The following ELF1 variants were observed in gnomAD, a reference collection of about 807,000 sequenced individuals.
ELF1 encodes E74 like ETS transcription factor 1, also known as ETS-related transcription factor Elf-1.
In ELF1, 24 loss-of-function variants were observed where a neutral mutation model predicts 59.9. That is an observed-to-expected ratio of 0.40 (90% CI 0.29 to 0.56). ELF1 has a LOEUF of 0.56. ELF1 is among the 20% of genes least tolerant of loss of function. ELF1 has a pLI of 0.44. For missense variants in ELF1, 627 were observed against 742.2 expected (o/e 0.84, Z 1.80); for synonymous variants, 248 against 266.2 (o/e 0.93, Z 0.67).
At chr13:40,999,790 C>T (rs1210497133) in intron 1 of ELF1, among the ~76,000 whole-genome samples, 1 of 152,162 alleles carries the variant, frequency 6.6e-6, no homozygotes, top group Admixed American at 6.5e-5. Flanking sequence ...GCTTTTTATT[C>T]TGCTCAGGGT....
At chr13:41,060,369 G>A (rs908622641) in intron 1 of ELF1, among the ~76,000 whole-genome samples, 3 of 152,232 alleles carry the variant, frequency 2.0e-5, no homozygotes, top group Admixed American at 2.0e-4. Context: ...GGTGTGGGCC[G>A]GACGGGGGCG....
intron 8 of ELF1, among the ~76,000 whole-genome samples, chr13:40,938,561 C>T (rs975189627): frequency 1.3e-5 from 2 of 152,148 alleles, no homozygotes; most frequent in Non-Finnish European, 2.9e-5. Context: ...TACATGTGAC[C>T]AAGTTCCCTG....
At chr13:41,011,828 T>G (rs994176835) in intron 1 of ELF1, among the ~76,000 whole-genome samples, 4 of 151,630 alleles carry the variant, frequency 2.6e-5, no homozygotes, top group African/African-American at 9.7e-5. Context: ...CCTGGGGTCA[T>G]GCATTCCTTC....
intron 1 of ELF1, among the ~76,000 whole-genome samples, chr13:41,018,490 C>G (rs563174926): frequency 6.6e-6 from 1 of 152,056 alleles, no homozygotes; most frequent in Non-Finnish European, 1.5e-5. Flanking sequence ...AAGGTTGTTA[C>G]TCAGAACAAG....
At chr13:40,973,504 T>G (rs936315593) in intron 2 of ELF1, among the ~76,000 whole-genome samples, 3 of 152,212 alleles carry the variant, frequency 2.0e-5, no homozygotes, top group African/African-American at 7.2e-5. Flanking sequence ...CTATCTTTTA[T>G]GTGCTATGTG....
At chr13:40,948,543 T>C (rs1870644183) in intron 5 of ELF1, among the ~76,000 whole-genome samples, 1 of 152,166 alleles carries the variant, frequency 6.6e-6, no homozygotes, top group Non-Finnish European at 1.5e-5. Context: ...CATTTTCAGC[T>C]CTTGGAATTT....
At chr13:41,051,347 GC>G (rs1877081256) in intron 1 of ELF1, among the ~76,000 whole-genome samples, 1 of 151,654 alleles carries the variant, frequency 6.6e-6, no homozygotes, top group African/African-American at 2.4e-5. Context: ...CTTCACTACT[GC>G]CCCCAATTCA....
At chr13:41,030,577 T>C (rs931573383) in intron 1 of ELF1, among the ~76,000 whole-genome samples, 1 of 151,878 alleles carries the variant, frequency 6.6e-6, no homozygotes, top group Non-Finnish European at 1.5e-5. Context: ...AACCTGTCTC[T>C]ACAAAAAATA....
chr13:40,955,806 C>T (rs1355935629), intron 3 of ELF1, among the ~76,000 whole-genome samples: 3 of 132,996 alleles, frequency 2.3e-5, no homozygotes, highest in Non-Finnish European at 3.3e-5. Flanking sequence ...CCAGCCGCCC[C>T]GTCCGGGAGG....
intron 4 of ELF1, among the ~76,000 whole-genome samples, chr13:40,950,922 C>T (rs1430434704): frequency 6.6e-6 from 1 of 152,158 alleles, no homozygotes; most frequent in Non-Finnish European, 1.5e-5. Flanking sequence ...AATTTTAAAG[C>T]AGATCAATAA....
rs1046961492 is a variant in ELF1, at chr13:41,025,477, G to GA, written c.-229+35360_-229+35361insT. ...CTTAAGCAGCTGAATTTTTATAAAG[G>GA]CTTCAAGGAACCTTGACACTCCATA... On this transcript the variant is annotated intron_variant, in intron 1 of 1. Coordinates refer to the ELF1 transcript ENST00000405737. Among the ~76,000 whole-genome samples the GA allele has an allele frequency of 7.0e-4, 106 of 152,244 alleles. 1 individual carries two copies. Among genetic ancestry groups the GA allele is most frequent in the African/African-American group, 2.4e-3 (99 of 41,534 alleles).
rs1289246390 is a variant in ELF1, at chr13:40,955,372, T to TG, written c.253+3463dup. Among the ~76,000 whole-genome samples, 147 of 116,626 alleles carry TG rather than the reference T, an allele frequency of 1.3e-3. 1 individual carries two copies. The highest frequency in any genetic ancestry group is 4.5e-3 in the African/African-American group (131 of 29,226). The allele number at this position is 116,626 out of a possible 152,430, so 76.5% of individuals were successfully genotyped here. The stretch of plus-strand genomic sequence containing the variant: ...CCAGCCGCCCCATCCGGGAGGGAGA[T>TG]GGGGGGGTCATCCCCCTGCCCGGCC... On this transcript the variant is annotated intron_variant, in intron 3 of 8. Coordinates refer to ENST00000239882, the MANE Select transcript of ELF1 (RefSeq NM_172373.4).
At chr13:41,018,389 A>T (rs1875544059) in intron 1 of ELF1, among the ~76,000 whole-genome samples, 1 of 152,202 alleles carries the variant, frequency 6.6e-6, no homozygotes, top group African/African-American at 2.4e-5. Context: ...TTTTAAGAAC[A>T]GTAATACAAA....
At chr13:41,013,964 T>A (rs1022337693) in intron 1 of ELF1, among the ~76,000 whole-genome samples, 1 of 152,118 alleles carries the variant, frequency 6.6e-6, no homozygotes, top group African/African-American at 2.4e-5. Flanking sequence ...TTTTTAAAAT[T>A]GTACCATGTA....
chr13:40,951,033 G>T (rs1284428384), intron 4 of ELF1, among the ~76,000 whole-genome samples: 4 of 151,962 alleles, frequency 2.6e-5, no homozygotes, highest in Admixed American at 2.0e-4. Flanking sequence ...TAATCATTTG[G>T]GCCCTTGATA....
chr13:40,975,939 A>G lies in ELF1; in HGVS notation c.72+6044T>C, dbSNP rs1593373747. On this transcript the variant is annotated intron_variant, in intron 2 of 8. Coordinates refer to ENST00000239882, the MANE Select transcript of ELF1 (RefSeq NM_172373.4). ...GAAAAAAGACAATGTCTTACTTCAA[A>G]TAATTTAACACATTTGAAAAAATTA... Among the ~76,000 whole-genome samples the G allele has an allele frequency of 2.0e-5, 3 of 152,248 alleles. No individual in the cohort carries two copies. In the East Asian group the frequency reaches 5.8e-4, roughly 29 times the overall value.
intron 5 of ELF1, among the ~76,000 whole-genome samples, chr13:40,946,037 T>C (rs1432754764): frequency 6.6e-6 from 1 of 152,112 alleles, no homozygotes; most frequent in Non-Finnish European, 1.5e-5. Flanking sequence ...TAGCAGAGAT[T>C]GCGTTTCACC....
chr13:40,944,725 T>C (rs1228528664), intron 5 of ELF1, among the ~76,000 whole-genome samples: 1 of 152,208 alleles, frequency 6.6e-6, no homozygotes, highest in African/African-American at 2.4e-5. Context: ...TGTCTGAACA[T>C]ACTACCATTC....
rs1191241600 is a variant in ELF1 at position 40,932,050 on chromosome 13, TTAA to T, written c.*1372_*1374del. On this transcript the variant is annotated 3_prime_UTR_variant, in exon 9 of 9. Coordinates refer to ENST00000239882, the MANE Select transcript of ELF1 (RefSeq NM_172373.4). ...CACTGAGAATTTTTATATGATTTAT[TTAA>T]TAATAAACCAATTAAAGATACAAAA... is the stretch of plus-strand genomic sequence containing the variant. 1 of 152,222 alleles carries T rather than the reference TTAA, an allele frequency of 6.6e-6. No homozygotes were observed. Among genetic ancestry groups the T allele is most frequent in the Admixed American group, 6.5e-5 (1 of 15,280 alleles). 9.4% of individuals were successfully genotyped at this position (152,222 alleles called of 1,614,324 possible).
Sources: allele counts gnomAD v4.1 joint callset (sites outside exome capture counted in the v4.1 genomes callset), GRCh38; gene constraint gnomAD v4.1.1; transcripts MANE v1.5; gene names NCBI Gene and HGNC (gene_info 2026-07-23, HGNC 2026-07-21).